The following NFIL3 variants were observed in gnomAD, a reference collection of about 807,000 sequenced individuals.
NFIL3 encodes the protein nuclear factor, interleukin 3 regulated.
In NFIL3, 5 loss-of-function variants were observed where a neutral mutation model predicts 10.0. That is an observed-to-expected ratio of 0.50 (90% CI 0.26 to 1.06). The LOEUF (loss-of-function observed/expected upper bound fraction) is 1.06. NFIL3 is among the 50% of genes least tolerant of loss of function. The pLI is 0.13. For synonymous variants in NFIL3, 202 were observed against 206.5 expected (o/e 0.98, Z 0.19); for missense variants, 436 against 547.6 (o/e 0.80, Z 2.03).
At chr9:91,420,352 T>TACACACAC (rs144270881) in intron 1 of NFIL3, among the ~76,000 whole-genome samples, 288 of 144,496 alleles carry the variant, frequency 2.0e-3, no homozygotes, top group East Asian at 0.011. Context: ...TGAAGGTAAA[T>TACACACAC]ACACACACAC....
In NFIL3 at chr9:91,423,750, G is replaced by A. The variant is rs1363147273; in HGVS notation, c.-283C>T. ...GGCCTCCGGGGCCGCGGCGGGAGGC[G>A]GGCGGCGGCGAGGGCGCGGCGCGGG... On this transcript the variant is annotated 5_prime_UTR_variant, in exon 1 of 2. Transcript: ENST00000297689. The A allele has an allele frequency of 6.9e-6, 1 of 145,820 alleles. No homozygotes were observed. The highest frequency in any genetic ancestry group is 1.5e-5 in the Non-Finnish European group (1 of 65,524). 9.0% of individuals were successfully genotyped at this position (145,820 alleles called of 1,614,324 possible).
chr9:91,417,785 C>G (rs1224789193), intron 1 of NFIL3, among the ~76,000 whole-genome samples: 1 of 152,140 alleles, frequency 6.6e-6, no homozygotes, highest in Non-Finnish European at 1.5e-5. Context: ...TGCACTTGAT[C>G]AAGACAGGCA....
At chr9:91,460,271 C>CTTTTTGTTTTTTTTTTTTTTTTTTT in the NFIL3 span, among the ~76,000 whole-genome samples, 1 of 70,444 alleles carries the variant, frequency 1.4e-5, no homozygotes, top group African/African-American at 9.4e-5. Flanking sequence ...GGGCTTGGTT[C>CTTTTTGTTTTTTTTTTTTTTTTTTT]TTTTTTTTTT....
chr9:91,468,889 T>C, the NFIL3 span, among the ~76,000 whole-genome samples: 25 of 152,326 alleles, frequency 1.6e-4, no homozygotes, highest in Middle Eastern at 6.8e-3. Context: ...TCTGTTCCAT[T>C]GGTCTTTATC....
the NFIL3 span, among the ~76,000 whole-genome samples, chr9:91,460,272 T>C: frequency 1.0e-5 from 1 of 99,586 alleles, no homozygotes; most frequent in Non-Finnish European, 1.9e-5. Context: ...GGCTTGGTTC[T>C]TTTTTTTTTT....
chr9:91,472,897 G>C, the NFIL3 span, among the ~76,000 whole-genome samples: 1 of 152,170 alleles, frequency 6.6e-6, no homozygotes, highest in Admixed American at 6.5e-5. Flanking sequence ...TGGTGTGAAT[G>C]TCCTTTATGT....
the NFIL3 span, among the ~76,000 whole-genome samples, chr9:91,431,013 G>A: frequency 3.3e-5 from 5 of 152,174 alleles, no homozygotes; most frequent in Non-Finnish European, 7.4e-5. Context: ...AAGCCAGTGT[G>A]GTTGGTGACC....
At chr9:91,463,021 T>C in the NFIL3 span, among the ~76,000 whole-genome samples, 3 of 151,998 alleles carry the variant, frequency 2.0e-5, no homozygotes, top group Non-Finnish European at 2.9e-5. Context: ...TTAATATCTA[T>C]AGAATTAGTA....
At chr9:91,419,587 G>A (rs1456167928) in intron 1 of NFIL3, among the ~76,000 whole-genome samples, 1 of 152,206 alleles carries the variant, frequency 6.6e-6, no homozygotes, top group Non-Finnish European at 1.5e-5. Flanking sequence ...TCCCCATCTG[G>A]TTTTCAGGCT....
chr9:91,477,469 C>A, the NFIL3 span, among the ~76,000 whole-genome samples: 1 of 152,176 alleles, frequency 6.6e-6, no homozygotes, highest in East Asian at 1.9e-4. Flanking sequence ...TGCAAAATCC[C>A]TTCTGCAGTG....
the NFIL3 span, among the ~76,000 whole-genome samples, chr9:91,470,149 T>C: frequency 6.6e-6 from 1 of 152,148 alleles, no homozygotes; most frequent in African/African-American, 2.4e-5. Flanking sequence ...TGGCTGTGAA[T>C]CCTTCTGGTC....
At chr9:91,460,420 G>A in the NFIL3 span, among the ~76,000 whole-genome samples, 33 of 151,816 alleles carry the variant, frequency 2.2e-4, no homozygotes, top group Admixed American at 2.0e-3. Context: ...GACTATAGGT[G>A]TGCACCATCA....
chr9:91,451,223 T>G, the NFIL3 span, among the ~76,000 whole-genome samples: 39 of 152,180 alleles, frequency 2.6e-4, no homozygotes, highest in Non-Finnish European at 3.7e-4. Flanking sequence ...CCCCTGGCCT[T>G]TGTTTTACTT....
At chr9:91,441,904 C>T in the NFIL3 span, among the ~76,000 whole-genome samples, 672 of 152,262 alleles carry the variant, frequency 4.4e-3, 4 homozygotes, top group Non-Finnish European at 4.0e-3. Flanking sequence ...AACCTTCATA[C>T]TAGAGATATG....
the NFIL3 span, among the ~76,000 whole-genome samples, chr9:91,431,071 A>G: frequency 6.6e-6 from 1 of 152,190 alleles, no homozygotes; most frequent in African/African-American, 2.4e-5. Flanking sequence ...CTTGATGGAA[A>G]CCCAGGTTTT....
At chr9:91,447,951 G>C in the NFIL3 span, among the ~76,000 whole-genome samples, 2 of 152,112 alleles carry the variant, frequency 1.3e-5, no homozygotes, top group Non-Finnish European at 2.9e-5. Context: ...TTTCCTGTAA[G>C]AGTTTTATGG....
the NFIL3 span, among the ~76,000 whole-genome samples, chr9:91,429,034 A>G: frequency 1.3e-5 from 2 of 152,260 alleles, no homozygotes; most frequent in African/African-American, 4.8e-5. Flanking sequence ...ACTGGAACAC[A>G]GCTAGCAGGG....
chr9:91,465,377 T>C, the NFIL3 span, among the ~76,000 whole-genome samples: 1 of 152,312 alleles, frequency 6.6e-6, no homozygotes, highest in East Asian at 1.9e-4. Context: ...TTGTGTATAC[T>C]GGTGAGCCCT....
At chr9:91,449,303 A>T in the NFIL3 span, among the ~76,000 whole-genome samples, 2 of 152,088 alleles carry the variant, frequency 1.3e-5, no homozygotes, top group Non-Finnish European at 2.9e-5. Context: ...GAAGAATTTT[A>T]GTTTTTTGCC....
Sources: gnomAD v4.1 joint callset for allele counts (sites outside exome capture counted in the v4.1 genomes callset) on GRCh38, gnomAD v4.1.1 for gene constraint, MANE v1.5 for transcripts, NCBI Gene and HGNC (gene_info 2026-07-23, HGNC 2026-07-21) for gene names.